MYT1L: variants seen among roughly 807,000 people sequenced by gnomAD.
MYT1L encodes myelin transcription factor 1 like, also known as myelin transcription factor 1-like protein.
MYT1L carries 12 observed loss-of-function variants against 126.7 expected under a neutral mutation model. That is an observed-to-expected ratio of 0.09 (90% CI 0.06 to 0.15). MYT1L has a LOEUF of 0.15. MYT1L is among the 10% of genes least tolerant of loss of function. The probability of loss-of-function intolerance (pLI) is 1.00; values close to 1 mark genes in which losing one functional copy is unlikely to be tolerated. For missense variants in MYT1L, 979 were observed against 1,585.2 expected, an observed-to-expected ratio of 0.62 and a Z score of 6.49; for synonymous variants, 541 against 604.2, an observed-to-expected ratio of 0.90 and a Z score of 1.53.
At chr2:1,952,645 C>G (rs1459091562) in intron 8 of MYT1L, among the ~76,000 whole-genome samples, 1 of 149,900 alleles carries the variant, frequency 6.7e-6, no homozygotes. Flanking sequence ...TGTGCCACGG[C>G]ACACCACCCC....
intron 2 of MYT1L, among the ~76,000 whole-genome samples, chr2:2,210,462 C>T (rs2093466649): frequency 6.6e-6 from 1 of 152,106 alleles, no homozygotes; most frequent in Non-Finnish European, 1.5e-5. Flanking sequence ...CCAGTTTTCC[C>T]AGCACCATTT....
chr2:1,914,205 G>C (rs2052485025), intron 11 of MYT1L, among the ~76,000 whole-genome samples: 2 of 151,564 alleles, frequency 1.3e-5, no homozygotes, highest in South Asian at 2.1e-4. Flanking sequence ...AGTGAGCCGA[G>C]ATTACGCCAT....
chr2:1,833,550 C>G (rs1454757378), intron 21 of MYT1L, among the ~76,000 whole-genome samples: 5 of 152,224 alleles, frequency 3.3e-5, no homozygotes, highest in African/African-American at 9.6e-5. Flanking sequence ...CCGTCCTGGG[C>G]TTCTCCATGT....
At chr2:1,876,753 A>G (rs931991005) in intron 18 of MYT1L, among the ~76,000 whole-genome samples, 7 of 152,346 alleles carry the variant, frequency 4.6e-5, no homozygotes, top group African/African-American at 1.7e-4. Context: ...CGTCTCACTC[A>G]GGACAGAACT....
At chr2:1,876,618 C>A (rs1383376690) in intron 18 of MYT1L, among the ~76,000 whole-genome samples, 1 of 152,152 alleles carries the variant, frequency 6.6e-6, no homozygotes, top group Non-Finnish European at 1.5e-5. Context: ...GTCCCCGCAG[C>A]TGACCCTATG....
intron 3 of MYT1L, among the ~76,000 whole-genome samples, chr2:2,155,227 T>C (rs113063034): frequency 0.015 from 2,343 of 152,308 alleles, 55 homozygotes; most frequent in African/African-American, 0.053. Flanking sequence ...ATTGTTATAA[T>C]TGGTAAATTT....
intron 4 of MYT1L, among the ~76,000 whole-genome samples, chr2:2,026,963 G>A (rs2065678401): frequency 6.6e-6 from 1 of 152,144 alleles, no homozygotes; most frequent in Non-Finnish European, 1.5e-5. Context: ...GGAGCCCACA[G>A]GACAAAGCTC....
chr2:1,989,862 G>C (rs2061338909), intron 5 of MYT1L, among the ~76,000 whole-genome samples: 1 of 152,148 alleles, frequency 6.6e-6, no homozygotes, highest in Non-Finnish European at 1.5e-5. Context: ...GCTGGGCATG[G>C]TGGCGGGTGT....
intron 9 of MYT1L, among the ~76,000 whole-genome samples, chr2:1,932,990 TTGCCTGTGTCAGCG>T (rs2055225342): frequency 6.6e-6 from 1 of 152,050 alleles, no homozygotes; most frequent in Non-Finnish European, 1.5e-5. Flanking sequence ...AGAAGCCAGG[TTGCCTGTGTCAGCG>T]TGCCTGGGAG....
At chr2:2,037,738 C>T (rs1262416773) in intron 4 of MYT1L, among the ~76,000 whole-genome samples, 1 of 151,260 alleles carries the variant, frequency 6.6e-6, no homozygotes, top group Non-Finnish European at 1.5e-5. Flanking sequence ...GCCTGGGAGA[C>T]AGAGCCAGAC....
intron 18 of MYT1L, among the ~76,000 whole-genome samples, chr2:1,885,800 G>A (rs935936846): frequency 7.9e-5 from 12 of 152,146 alleles, no homozygotes; most frequent in African/African-American, 2.9e-4. Flanking sequence ...CTGCACGTAT[G>A]CTCTCCCCGG....
intron 21 of MYT1L, among the ~76,000 whole-genome samples, chr2:1,813,643 G>A (rs897022532): frequency 6.6e-6 from 1 of 152,082 alleles, no homozygotes; most frequent in Non-Finnish European, 1.5e-5. Flanking sequence ...CCTGCGAGGG[G>A]GTCCGGGCTG....
At chr2:1,856,474 T>G (rs2148577216) in intron 18 of MYT1L, among the ~76,000 whole-genome samples, 1 of 152,304 alleles carries the variant, frequency 6.6e-6, no homozygotes, top group South Asian at 2.1e-4. Context: ...GCTGGGACGC[T>G]CACCAACTGG....
At chr2:2,251,112 C>G (rs890105236) in intron 2 of MYT1L, among the ~76,000 whole-genome samples, 11 of 151,936 alleles carry the variant, frequency 7.2e-5, no homozygotes, top group Non-Finnish European at 1.3e-4. Flanking sequence ...AAGCTATTAC[C>G]TCTCATCGTG....
At chr2:1,864,649 G>GT (rs1240664518) in intron 18 of MYT1L, among the ~76,000 whole-genome samples, 1 of 152,200 alleles carries the variant, frequency 6.6e-6, no homozygotes, top group Non-Finnish European at 1.5e-5. Flanking sequence ...GGAGGGCAGG[G>GT]CTGAGCCCGG....
At chr2:1,928,675 T>G (rs1268734933) in intron 9 of MYT1L, among the ~76,000 whole-genome samples, 1 of 152,174 alleles carries the variant, frequency 6.6e-6, no homozygotes, top group East Asian at 1.9e-4. Flanking sequence ...CCGAGTTTTT[T>G]TTTCTCCTTT....
intron 15 of MYT1L, among the ~76,000 whole-genome samples, chr2:1,891,294 T>G (rs186375219): frequency 6.6e-6 from 1 of 152,156 alleles, no homozygotes; most frequent in Non-Finnish European, 1.5e-5. Context: ...GAGGTGAACA[T>G]GTCCGCTGCT....
chr2:1,866,973 G>GA (rs1553276597), intron 18 of MYT1L, among the ~76,000 whole-genome samples: 1 of 95,588 alleles, frequency 1.0e-5, no homozygotes, highest in Non-Finnish European at 2.0e-5. Context: ...GAGAGAGGGA[G>GA]GAGAGAGAGA....
intron 3 of MYT1L, among the ~76,000 whole-genome samples, chr2:2,116,671 A>G (rs1157446461): frequency 6.6e-6 from 1 of 152,244 alleles, no homozygotes; most frequent in Non-Finnish European, 1.5e-5. Context: ...ACTGGGTTAG[A>G]AGATGCCTCT....
Sources: allele counts gnomAD v4.1 joint callset (sites outside exome capture counted in the v4.1 genomes callset), GRCh38; gene constraint gnomAD v4.1.1; transcripts MANE v1.5; gene names NCBI Gene and HGNC (gene_info 2026-07-23, HGNC 2026-07-21).